The following DEPDC4 variants were observed in gnomAD, a reference collection of about 807,000 sequenced individuals.
DEPDC4 encodes DEP domain-containing protein 4.
Under a neutral mutation model 52.0 loss-of-function variants are expected in DEPDC4, and 52 were observed. The observed-to-expected ratio is 1.00, with a 90% CI of 0.80 to 1.26. DEPDC4 has a LOEUF of 1.26. Among genes scored for constraint, DEPDC4 ranks in the 50% most tolerant of loss-of-function variants. The pLI, the probability that DEPDC4 is intolerant of heterozygous loss-of-function variation, is 0.00. For missense variants in DEPDC4, 530 were observed against 546.9 expected (o/e 0.97, Z 0.31); for synonymous variants, 201 against 196.8 (o/e 1.02, Z -0.18).
At chr12:100,281,480 TA>T in the DEPDC4 span, among the ~76,000 whole-genome samples, 1 of 152,128 alleles carries the variant, frequency 6.6e-6, no homozygotes, top group South Asian at 2.1e-4. Flanking sequence ...CACTTGAGGC[TA>T]GGAGTTTGAG....
At chr12:100,232,833 G>A (rs564247855) in intron 9 of DEPDC4, among the ~76,000 whole-genome samples, 2 of 151,530 alleles carry the variant, frequency 1.3e-5, no homozygotes, top group East Asian at 2.0e-4. Context: ...GTGGTGAGCC[G>A]AGATCGCGCC....
chr12:100,243,188 C>G (rs948816651), intron 8 of DEPDC4, among the ~76,000 whole-genome samples: 5 of 151,976 alleles, frequency 3.3e-5, no homozygotes, highest in African/African-American at 1.2e-4. Context: ...TTGTACCATA[C>G]TCACCTATTT....
At chr12:100,267,285 A>T, upstream of DEPDC4, 1 of 560,002 alleles carries the variant, frequency 1.8e-6, no homozygotes, top group Middle Eastern at 4.8e-4. Flanking sequence ...ATATGGAGTA[A>T]AGCCAGAGTC....
intron 8 of DEPDC4, among the ~76,000 whole-genome samples, chr12:100,245,869 C>A (rs2096183018): frequency 1.3e-5 from 2 of 152,124 alleles, no homozygotes; most frequent in Admixed American, 6.5e-5. Context: ...CTAAATATGG[C>A]CCTTCATAAG....
chr12:100,235,526 C>T (rs1414458882), downstream of DEPDC4, among the ~76,000 whole-genome samples: 1 of 151,824 alleles, frequency 6.6e-6, no homozygotes, highest in Non-Finnish European at 1.5e-5. Context: ...TATCCCTTAC[C>T]CCTTTCCCAC....
intron 3 of DEPDC4, chr12:100,261,855 A>G: frequency 2.2e-6 from 1 of 452,588 alleles, no homozygotes; most frequent in South Asian, 1.6e-5. Context: ...CAGTAAAAAT[A>G]TTAGTGGTTG....
At chr12:100,264,539 C>T (rs2096264983) in intron 1 of DEPDC4, among the ~76,000 whole-genome samples, 1 of 151,954 alleles carries the variant, frequency 6.6e-6, no homozygotes, top group Non-Finnish European at 1.5e-5. Flanking sequence ...ATTAGCCGAG[C>T]GTGGTGGCAT....
upstream of DEPDC4, among the ~76,000 whole-genome samples, chr12:100,271,320 A>C (rs1368990211): frequency 6.7e-6 from 1 of 149,876 alleles, no homozygotes; most frequent in Non-Finnish European, 1.5e-5. Context: ...CTTTCTTTAG[A>C]TACAAACAGG....
chr12:100,243,147 G>A (rs1029041272), intron 8 of DEPDC4, among the ~76,000 whole-genome samples: 1 of 152,060 alleles, frequency 6.6e-6, no homozygotes, highest in African/African-American at 2.4e-5. Flanking sequence ...AAAGTTATGT[G>A]AATGTGGTCT....
intron 9 of DEPDC4, among the ~76,000 whole-genome samples, chr12:100,232,624 C>T (rs2096136330): frequency 1.3e-5 from 2 of 152,132 alleles, no homozygotes; most frequent in Non-Finnish European, 2.9e-5. Flanking sequence ...TGGCTCACGC[C>T]TGTAATCCCA....
At chr12:100,275,640 C>G in the DEPDC4 span, among the ~76,000 whole-genome samples, 1,118 of 152,214 alleles carry the variant, frequency 7.3e-3, 12 homozygotes, top group African/African-American at 0.025. Context: ...AAATTGTATT[C>G]TTTCTTTGCA....
At chr12:100,266,432 C>A (rs1289292964) in intron 1 of DEPDC4, among the ~76,000 whole-genome samples, 1 of 152,102 alleles carries the variant, frequency 6.6e-6, no homozygotes, top group Non-Finnish European at 1.5e-5. Flanking sequence ...GTGGAAAATA[C>A]AGCGGTACAG....
chr12:100,245,417 C>T (rs1027609067), intron 8 of DEPDC4, among the ~76,000 whole-genome samples: 1 of 152,158 alleles, frequency 6.6e-6, no homozygotes, highest in Admixed American at 6.5e-5. Flanking sequence ...CAGGCACCCA[C>T]CACCATGCTG....
upstream of DEPDC4, chr12:100,267,180 C>T (rs1241654667): frequency 8.0e-7 from 1 of 1,255,042 alleles, no homozygotes; most frequent in Non-Finnish European, 1.1e-6. Context: ...GTCTTTTAGT[C>T]TTTTTCCCCC....
chr12:100,276,136 T>C, the DEPDC4 span, among the ~76,000 whole-genome samples: 1 of 152,230 alleles, frequency 6.6e-6, no homozygotes, highest in Non-Finnish European at 1.5e-5. Flanking sequence ...GATGTCAAGG[T>C]AATGCTGACT....
chr12:100,267,394 G>A (rs1276667048), upstream of DEPDC4: 2 of 244,332 alleles, frequency 8.2e-6, no homozygotes, highest in Non-Finnish European at 1.6e-5. Context: ...GAAGAAGGAA[G>A]AGGTAAGTGA....
At position 100,267,044 on chromosome 12, in the gene DEPDC4, A is replaced by T. The variant is rs1177181972; in HGVS notation, c.33T>A (p.Leu11=). 2 of 1,613,718 alleles carry T rather than the reference A, an allele frequency of 1.2e-6. No individual in the cohort carries two copies. Among genetic ancestry groups the T allele is most frequent in the Admixed American group, 1.7e-5 (1 of 59,938 alleles). Residue 11 remains leucine, a synonymous_variant, in exon 1 of 10, where the codon CTT becomes CTA. Coordinates refer to ENST00000550587, the MANE Select transcript of DEPDC4 (RefSeq NM_001364818.2). MVPGEEPARE[L]MAVLLTPRFR... is the part of the protein sequence containing the mutation. ...ACCTCGGAGTCAAAAGAACCGCCAT[A>T]AGCTCGCGCGCTGGCTCCTCCCCTG...
intron 3 of DEPDC4, 69 bp from the exon 4 acceptor site, chr12:100,256,295 A>T (rs2096232289): frequency 8.5e-7 from 1 of 1,181,032 alleles, no homozygotes; most frequent in African/African-American, 1.5e-5. Flanking sequence ...CAATATTATA[A>T]ATCGTTCTAT....
chr12:100,233,914 A>T (rs2096137788), intron 9 of DEPDC4, among the ~76,000 whole-genome samples: 1 of 152,188 alleles, frequency 6.6e-6, no homozygotes, highest in Non-Finnish European at 1.5e-5. Flanking sequence ...AAAATCTTTT[A>T]TGAGCTTGGG....
Sources: gnomAD v4.1 joint callset for allele counts (sites outside exome capture counted in the v4.1 genomes callset) on GRCh38, gnomAD v4.1.1 for gene constraint, MANE v1.5 for transcripts, NCBI Gene and HGNC (gene_info 2026-07-23, HGNC 2026-07-21) for gene names.